PAWR: variants seen among roughly 807,000 people sequenced by gnomAD.
PAWR encodes PRKC apoptosis WT1 regulator protein.
In PAWR, 23 loss-of-function variants were observed where a neutral mutation model predicts 32.0. The ratio of observed to expected loss-of-function variants is 0.72; its 90% CI spans 0.52 to 1.02. The LOEUF (loss-of-function observed/expected upper bound fraction) is 1.02. PAWR is among the 50% of genes least tolerant of loss of function. The probability of loss-of-function intolerance (pLI) is 0.00; values close to 1 mark genes in which losing one functional copy is unlikely to be tolerated. For missense variants in PAWR, 457 were observed against 437.7 expected (o/e 1.04, Z -0.39); for synonymous variants, 226 against 187.1 (o/e 1.21, Z -1.70).
intron 2 of PAWR, among the ~76,000 whole-genome samples, chr12:79,627,977 T>C (rs1198344698): frequency 6.6e-6 from 1 of 151,992 alleles, no homozygotes; most frequent in Non-Finnish European, 1.5e-5. Flanking sequence ...TCTACAGAAC[T>C]CTCCACCCCA....
chr12:79,585,537 T>C lies in PAWR; in HGVS notation c.*7070A>G, dbSNP rs956690454. On this transcript the variant is annotated 3_prime_UTR_variant, in exon 7 of 7. Transcript: ENST00000328827. ...CTAGCTTTGTGATACAATGTCACCT[T>C]ACCAATCTGTACACTCCACAAGTTT... The C allele has an allele frequency of 6.0e-6, 1 of 165,300 alleles. No homozygotes were observed. The highest frequency in any genetic ancestry group is 1.3e-5 in the Non-Finnish European group (1 of 77,122). 10.2% of individuals were successfully genotyped at this position (165,300 alleles called of 1,614,324 possible).
intron 2 of PAWR, among the ~76,000 whole-genome samples, chr12:79,657,749 G>A (rs112407964): frequency 0.01 from 1,538 of 151,624 alleles, 37 homozygotes; most frequent in African/African-American, 0.035. Context: ...AGCCGAGATC[G>A]CGCCACTGCA....
chr12:79,635,795 G>A (rs1042568655), intron 2 of PAWR, among the ~76,000 whole-genome samples: 15 of 152,068 alleles, frequency 9.9e-5, no homozygotes, highest in Admixed American at 1.3e-4. Flanking sequence ...TTATGACTTT[G>A]CTTGGGGCAA....
chr12:79,631,239 C>T (rs1057183159), intron 2 of PAWR, among the ~76,000 whole-genome samples: 2 of 152,130 alleles, frequency 1.3e-5, no homozygotes, highest in Non-Finnish European at 1.5e-5. Context: ...CCCCTGGGAC[C>T]AAGAATCAGG....
chr12:79,682,131 C>T (rs1878475488), intron 2 of PAWR, among the ~76,000 whole-genome samples: 1 of 152,110 alleles, frequency 6.6e-6, no homozygotes, highest in African/African-American at 2.4e-5. Context: ...ATCCTATTCT[C>T]TTAGTCCCCC....
At chr12:79,668,245 G>T (rs1374730254) in intron 2 of PAWR, 1 of 152,192 alleles carries the variant, frequency 6.6e-6, no homozygotes, top group Non-Finnish European at 1.5e-5. Context: ...AGAAGAAAAT[G>T]TATTTCCTTA....
At chr12:79,604,230 C>T in intron 4 of PAWR, 1 of 983,652 alleles carries the variant, frequency 1.0e-6, no homozygotes, top group South Asian at 4.7e-5. Flanking sequence ...CTAATACGAT[C>T]CAAAAAGAAT....
At chr12:79,657,567 G>A (rs534088706) in intron 2 of PAWR, among the ~76,000 whole-genome samples, 4 of 152,258 alleles carry the variant, frequency 2.6e-5, no homozygotes, top group South Asian at 4.1e-4. Flanking sequence ...TGAGGCGGGC[G>A]GATCACAAGG....
At chr12:79,682,162 G>GT (rs1228750372) in intron 2 of PAWR, among the ~76,000 whole-genome samples, 4 of 152,042 alleles carry the variant, frequency 2.6e-5, no homozygotes, top group African/African-American at 9.7e-5. Flanking sequence ...TTTTGTTTGA[G>GT]TTTTTCTGAG....
intron 2 of PAWR, among the ~76,000 whole-genome samples, chr12:79,627,236 T>A (rs1331837654): frequency 2.0e-5 from 3 of 152,062 alleles, no homozygotes; most frequent in African/African-American, 4.8e-5. Flanking sequence ...TTTCTCCACA[T>A]CCTCTCCAGC....
intron 3 of PAWR, among the ~76,000 whole-genome samples, chr12:79,614,259 C>G (rs1431979071): frequency 6.6e-6 from 1 of 151,442 alleles, no homozygotes; most frequent in African/African-American, 2.4e-5. Context: ...ATCCGTCCAC[C>G]TCAGCCTCCC....
rs1198105690 is a variant in PAWR at position 79,587,946 on chromosome 12, CAG to C, written c.*4659_*4660del. Reference sequence around the variant, plus strand: ...ATACTAATGTGTTCAATAAATTATCCAGATGTTTTTCCACAAATATTTGGATT... The same window carrying C: ...ATACTAATGTGTTCAATAAATTATCCATGTTTTTCCACAAATATTTGGATT... On this transcript the variant is annotated 3_prime_UTR_variant, in exon 7 of 7. Transcript: ENST00000328827. The C allele has an allele frequency of 6.6e-6, 1 of 151,872 alleles. No homozygotes were observed. Among genetic ancestry groups the C allele is most frequent in the Non-Finnish European group, 1.5e-5 (1 of 67,834 alleles). The allele number at this position is 151,872 out of a possible 1,614,324, so 9.4% of individuals were successfully genotyped here.
At chr12:79,676,796 C>T (rs538213413) in intron 2 of PAWR, among the ~76,000 whole-genome samples, 1 of 151,734 alleles carries the variant, frequency 6.6e-6, no homozygotes, top group African/African-American at 2.4e-5. Flanking sequence ...GTACTACTGC[C>T]CACTCTGCTT....
In PAWR at chr12:79,640,614, G is replaced by A. The variant is rs1215923188; in HGVS notation, c.517-19407C>T. Among the ~76,000 whole-genome samples the A allele has an allele frequency of 6.6e-5, 10 of 152,142 alleles. No homozygotes were observed. In the East Asian group the frequency reaches 1.6e-3, roughly 24 times the overall value. On this transcript the variant is annotated intron_variant, in intron 2 of 6. Coordinates refer to ENST00000328827, the MANE Select transcript of PAWR (RefSeq NM_002583.4). The stretch of plus-strand genomic sequence containing the variant: ...AAATTAGCCGGGTATGGTGGTGTGC[G>A]CCTGTAGTCCCAGCCACTTGGGAGG...
At chr12:79,600,839 A>C (rs570589996) in intron 4 of PAWR, among the ~76,000 whole-genome samples, 3 of 152,154 alleles carry the variant, frequency 2.0e-5, no homozygotes, top group Non-Finnish European at 2.9e-5. Context: ...ACATTGTAAC[A>C]GCCCTGCTGG....
At chr12:79,662,171 C>G (rs554581175) in intron 2 of PAWR, among the ~76,000 whole-genome samples, 2 of 140,630 alleles carry the variant, frequency 1.4e-5, no homozygotes, top group Non-Finnish European at 3.0e-5. Context: ...AAGTTCAAGG[C>G]CAGCCTGGGC....
At chr12:79,663,087 A>G (rs182228141) in intron 2 of PAWR, among the ~76,000 whole-genome samples, 2 of 152,342 alleles carry the variant, frequency 1.3e-5, no homozygotes, top group Admixed American at 1.3e-4. Flanking sequence ...TAACTATCTT[A>G]CTCCAAAATT....
Position 79,592,296 on chromosome 12 carries a change from C to A in PAWR, c.*311G>T. On this transcript the variant is annotated 3_prime_UTR_variant, in exon 7 of 7. Coordinates refer to ENST00000328827, the MANE Select transcript of PAWR (RefSeq NM_002583.4). ...ATTCCTAAGGGAGAAAATGTACTAC[C>A]AAGATAAAATATATTCAAACGGCTG... 2 of 259,562 alleles carry A rather than the reference C, an allele frequency of 7.7e-6. No homozygotes were observed. The highest frequency in any genetic ancestry group is 1.5e-5 in the Non-Finnish European group (2 of 137,370). 16.1% of individuals were successfully genotyped at this position (259,562 alleles called of 1,614,324 possible). A position where few individuals can be genotyped will look rare whatever the true frequency, so the allele number is the denominator to read the frequency against.
rs937496592 is a variant in PAWR, at chr12:79,674,851, C to T, written c.516+14878G>A. On this transcript the variant is annotated intron_variant, in intron 2 of 6. Transcript: ENST00000328827. Reference sequence around the variant, plus strand: ...ATTTGAGAAATGTAAATTAAAACCACAATAAGATACCATCTCACACCAGTC... The same window carrying T: ...ATTTGAGAAATGTAAATTAAAACCATAATAAGATACCATCTCACACCAGTC... Among the ~76,000 whole-genome samples the T allele has an allele frequency of 2.0e-5, 3 of 152,110 alleles. No homozygotes were observed. In the South Asian group the frequency reaches 6.2e-4, roughly 32 times the overall value.
Sources: allele counts gnomAD v4.1 joint callset (sites outside exome capture counted in the v4.1 genomes callset), GRCh38; gene constraint gnomAD v4.1.1; transcripts MANE v1.5; gene names NCBI Gene and HGNC (gene_info 2026-07-23, HGNC 2026-07-21).